The following DDX46 variants were observed in gnomAD, a reference collection of about 807,000 sequenced individuals.
DDX46 encodes the protein DEAD-box helicase 46.
DDX46 carries 30 observed loss-of-function variants against 134.9 expected under a neutral mutation model. The observed-to-expected ratio is 0.22, with a 90% CI of 0.17 to 0.30. The LOEUF (loss-of-function observed/expected upper bound fraction) is 0.30. DDX46 is among the 10% of genes least tolerant of loss of function. The pLI is 1.00. For synonymous variants in DDX46, 415 were observed against 404.1 expected (o/e 1.03, Z -0.32); for missense variants, 622 against 1,248.7 (o/e 0.50, Z 7.56).
intron 11 of DDX46, among the ~76,000 whole-genome samples, chr5:134,785,984 G>A (rs906807017): frequency 2.6e-5 from 4 of 152,014 alleles, no homozygotes; most frequent in African/African-American, 9.7e-5. Flanking sequence ...AAGTTGCTGG[G>A]ACTACAGGTG....
Position 134,817,551 on chromosome 5 carries a change from C to T in DDX46, c.2669C>T (p.Pro890Leu), listed in dbSNP as rs1353261977. Residue 890 changes from proline (P) to leucine (L), a missense_variant, in exon 20 of 23, where the codon CCC becomes CTC. Pro to Leu is a moderately conservative substitution (Grantham distance 98, BLOSUM62 -3). Coordinates refer to ENST00000452510, the MANE Select transcript of DDX46 (RefSeq NM_001300860.2). ...AILRGGTILA[P>L]TVSAKTIAEQ... ...CTTAGGGGTGGCACCATTCTGGCTCCCACTGTTTCTGCAAAAACCATTGCA... is the reference window on the plus strand; with the variant it reads ...CTTAGGGGTGGCACCATTCTGGCTCTCACTGTTTCTGCAAAAACCATTGCA... 6.2e-7 allele frequency: 1 copy of T among 1,614,050 alleles called. No individual in the cohort carries two copies. The highest frequency in any genetic ancestry group is 1.3e-5 in the African/African-American group (1 of 75,020).
chr5:134,781,888 C>G, intron 7 of DDX46, 33 bp from the exon 8 acceptor site: 1 of 1,581,010 alleles, frequency 6.3e-7, no homozygotes, highest in Non-Finnish European at 8.6e-7. Context: ...TAGTAATGAA[C>G]TTAGCGCTTT....
rs1755700587 is a variant in DDX46 at position 134,830,224 on chromosome 5, G to A, written c.*1518G>A. The A allele has an allele frequency of 6.7e-6, 1 of 149,500 alleles. No homozygotes were observed. 9.3% of individuals were successfully genotyped at this position (149,500 alleles called of 1,614,324 possible). On this transcript the variant is annotated 3_prime_UTR_variant, in exon 23 of 23. Coordinates refer to ENST00000452510, the MANE Select transcript of DDX46 (RefSeq NM_001300860.2). Reference sequence around the variant, plus strand: ...AAAATTTTAAAAATACAGTTTAACAGCTGTAAAAGTTTTACTATAACATTT... The same window carrying A: ...AAAATTTTAAAAATACAGTTTAACAACTGTAAAAGTTTTACTATAACATTT...
chr5:134,766,616 G>T (rs968185258), intron 2 of DDX46, among the ~76,000 whole-genome samples: 1 of 152,184 alleles, frequency 6.6e-6, no homozygotes, highest in African/African-American at 2.4e-5. Flanking sequence ...AGCTGCTGGG[G>T]AGGCTGAGGC....
intron 1 of DDX46, among the ~76,000 whole-genome samples, chr5:134,759,815 C>A (rs1433591397): frequency 6.6e-6 from 1 of 152,142 alleles, no homozygotes; most frequent in East Asian, 1.9e-4. Context: ...GTAATCATCA[C>A]CTGGATGAAG....
chr5:134,808,127 A>G (rs923444239), intron 16 of DDX46, among the ~76,000 whole-genome samples, 186 bp downstream of exon 16: 1 of 152,224 alleles, frequency 6.6e-6, no homozygotes, highest in African/African-American at 2.4e-5. Context: ...TCAAATTATC[A>G]GATACCTAGC....
At chr5:134,782,877 T>C (rs1291724890) in intron 8 of DDX46, 68 bp from the exon 9 acceptor site, 1 of 1,566,608 alleles carries the variant, frequency 6.4e-7, no homozygotes, top group African/African-American at 1.4e-5. Flanking sequence ...ATCTTATGCC[T>C]AATTGAAAAG....
intron 13 of DDX46, among the ~76,000 whole-genome samples, chr5:134,794,259 TG>T (rs1295249041): frequency 6.6e-6 from 1 of 152,082 alleles, no homozygotes; most frequent in Non-Finnish European, 1.5e-5. Flanking sequence ...GGGCTGTATG[TG>T]GGGGATGGTT....
At chr5:134,827,404 A>G (rs1298223110) in intron 22 of DDX46, among the ~76,000 whole-genome samples, 1 of 151,822 alleles carries the variant, frequency 6.6e-6, no homozygotes, top group African/African-American at 2.4e-5. Context: ...CCTCCTGAGT[A>G]GCTGGGATTA....
chr5:134,769,837 G>A (rs1352846632), intron 3 of DDX46, among the ~76,000 whole-genome samples: 3 of 151,888 alleles, frequency 2.0e-5, no homozygotes, highest in Admixed American at 6.6e-5. Context: ...GTGAGCCACC[G>A]CGCCCGGCCG....
In DDX46 at chr5:134,807,310, G is replaced by A. The variant is rs1349577667; in HGVS notation, c.1955-438G>A. Among the ~76,000 whole-genome samples, 4 of 151,356 alleles carry A rather than the reference G, an allele frequency of 2.6e-5. No homozygotes were observed. In the South Asian group the frequency reaches 8.4e-4, roughly 32 times the overall value. ...GCTGGGATTACAGGCATGAGCCACC[G>A]CACCTGGCCTAGATTCTGCATTTCT... On this transcript the variant is annotated intron_variant, in intron 15 of 22. Transcript: ENST00000452510.
At chr5:134,776,240 A>C (rs1753931966) in intron 5 of DDX46, among the ~76,000 whole-genome samples, 1 of 151,894 alleles carries the variant, frequency 6.6e-6, no homozygotes, top group African/African-American at 2.4e-5. Flanking sequence ...AAATACAAAA[A>C]TTAGCTTGGT....
At chr5:134,770,387 T>C (rs558419477) in intron 3 of DDX46, among the ~76,000 whole-genome samples, 1 of 152,164 alleles carries the variant, frequency 6.6e-6, no homozygotes, top group Non-Finnish European at 1.5e-5. Context: ...ATTCTTAGTA[T>C]ATTTTGGAAA....
At chr5:134,823,953 GGTAA>G (rs1381440790) in intron 21 of DDX46, among the ~76,000 whole-genome samples, 1 of 152,142 alleles carries the variant, frequency 6.6e-6, no homozygotes, top group African/African-American at 2.4e-5. Context: ...CTTATAAAGA[GGTAA>G]GTGAGAGACA....
intron 11 of DDX46, among the ~76,000 whole-genome samples, chr5:134,787,964 AC>A (rs1446942182): frequency 6.7e-6 from 1 of 149,722 alleles, no homozygotes; most frequent in Non-Finnish European, 1.5e-5. Flanking sequence ...GGCTGCAATG[AC>A]CTATGATGAC....
At chr5:134,811,054 C>T (rs1025561143) in intron 16 of DDX46, among the ~76,000 whole-genome samples, 167 bp from the exon 17 acceptor site, 1 of 152,138 alleles carries the variant, frequency 6.6e-6, no homozygotes, top group Non-Finnish European at 1.5e-5. Flanking sequence ...GGATATTTCA[C>T]TTTGAACCAT....
intron 16 of DDX46, 109 bp from the exon 17 acceptor site, chr5:134,811,112 A>T: frequency 1.1e-6 from 1 of 922,598 alleles, no homozygotes; most frequent in Non-Finnish European, 1.6e-6. Context: ...TTCTTTAGTT[A>T]ATGTTGTCAA....
At chr5:134,775,387 A>G (rs548907162) in intron 5 of DDX46, among the ~76,000 whole-genome samples, 3 of 152,302 alleles carry the variant, frequency 2.0e-5, no homozygotes, top group East Asian at 1.9e-4. Flanking sequence ...TGAAAGTTCC[A>G]AAGAATGGTT....
intron 3 of DDX46, among the ~76,000 whole-genome samples, chr5:134,769,544 T>TG (rs1245322254): frequency 1.3e-5 from 2 of 149,234 alleles, no homozygotes; most frequent in East Asian, 1.9e-4. Context: ...TTTGTTTGTT[T>TG]TTTTTTTTTT....
Sources: gnomAD v4.1 joint callset for allele counts (sites outside exome capture counted in the v4.1 genomes callset) on GRCh38, gnomAD v4.1.1 for gene constraint, MANE v1.5 for transcripts, NCBI Gene and HGNC (gene_info 2026-07-23, HGNC 2026-07-21) for gene names.